Variants in TOX2 observed in about 807,000 individuals in gnomAD.
The protein encoded by TOX2 is granulosa cell HMG box 1.
TOX2 carries 15 observed loss-of-function variants against 47.4 expected under a neutral mutation model. The observed-to-expected ratio is 0.32, with a 90% CI of 0.21 to 0.49. The LOEUF is 0.49. Ranked by LOEUF, TOX2 falls within the 20% of genes least tolerant of loss-of-function variation. The probability of loss-of-function intolerance (pLI) is 0.99; values close to 1 mark genes in which losing one functional copy is unlikely to be tolerated. For missense variants in TOX2, 622 were observed against 673.1 expected, an observed-to-expected ratio of 0.92 and a Z score of 0.84; for synonymous variants, 290 against 296.6, an observed-to-expected ratio of 0.98 and a Z score of 0.23.
At chr20:44,044,826 C>A (rs982818705) in intron 3 of TOX2, among the ~76,000 whole-genome samples, 1 of 152,158 alleles carries the variant, frequency 6.6e-6, no homozygotes. Context: ...TACTTGTGCA[C>A]CCACATTCCT....
intron 1 of TOX2, among the ~76,000 whole-genome samples, chr20:43,965,071 C>T (rs181381484): frequency 7.2e-5 from 11 of 152,252 alleles, no homozygotes; most frequent in Admixed American, 3.9e-4. Context: ...TGGTATACTT[C>T]GCAAGGGTAG....
chr20:44,035,001 C>T (rs971134953), intron 3 of TOX2, among the ~76,000 whole-genome samples: 33 of 152,216 alleles, frequency 2.2e-4, no homozygotes, highest in Non-Finnish European at 4.4e-4. Context: ...AAGAGTCTTG[C>T]TTGACTCAGC....
At chr20:43,986,740 C>T (rs1329299049) in intron 2 of TOX2, among the ~76,000 whole-genome samples, 1 of 152,174 alleles carries the variant, frequency 6.6e-6, no homozygotes, top group Non-Finnish European at 1.5e-5. Flanking sequence ...ATATATGTCT[C>T]TATGACTCAG....
chr20:43,983,161 G>C (rs1298917019), intron 2 of TOX2, among the ~76,000 whole-genome samples: 1 of 151,912 alleles, frequency 6.6e-6, no homozygotes, highest in Non-Finnish European at 1.5e-5. Context: ...ATCCCTTCCC[G>C]ATGCTCCAGC....
intron 5 of TOX2, among the ~76,000 whole-genome samples, chr20:44,062,425 A>T (rs8116967): frequency 0.015 from 2,234 of 151,904 alleles, 34 homozygotes; most frequent in Middle Eastern, 0.051. Flanking sequence ...TAAAATACTT[A>T]GGAATATACC....
intron 2 of TOX2, among the ~76,000 whole-genome samples, chr20:43,988,173 C>T (rs2070304985): frequency 6.6e-6 from 1 of 152,144 alleles, no homozygotes; most frequent in African/African-American, 2.4e-5. Flanking sequence ...CCGCCTCGGC[C>T]TCCCAAAGTG....
At chr20:43,980,832 CTAAAT>C (rs889106573) in intron 2 of TOX2, among the ~76,000 whole-genome samples, 2 of 151,990 alleles carry the variant, frequency 1.3e-5, no homozygotes, top group Admixed American at 6.6e-5. Context: ...TAACATAAAA[CTAAAT>C]TAATATAAAT....
intron 1 of TOX2, among the ~76,000 whole-genome samples, chr20:43,946,311 T>G (rs1372504540): frequency 6.6e-6 from 1 of 151,510 alleles, no homozygotes; most frequent in Admixed American, 6.5e-5. Context: ...CATTCATTCA[T>G]TCATTCATTC....
intron 3 of TOX2, among the ~76,000 whole-genome samples, chr20:44,010,589 CTG>C (rs1366969015): frequency 2.0e-5 from 3 of 152,200 alleles, no homozygotes; most frequent in Non-Finnish European, 4.4e-5. Flanking sequence ...TTAAATTCAT[CTG>C]AACCACAGGA....
chr20:44,064,840 G>A lies in TOX2; in HGVS notation c.943G>A (p.Ala315Thr). The change falls in exon 6 of 9, where the codon GCT (alanine) becomes ACT (threonine). Residue 315 changes from alanine to threonine, a missense_variant. Ala to Thr is a moderately conservative substitution (Grantham distance 58, BLOSUM62 0). Coordinates refer to ENST00000341197, the MANE Select transcript of TOX2 (RefSeq NM_001098797.2). ...EYLKALAAYR[A>T]SLVSKSSPDQ... is the part of the protein sequence containing the mutation. ...TCTGAAGGCCCTGGCAGCCTACCGGGCTAGCCTCGTCTCCAAGGTAACACC... is the reference window on the plus strand; with the variant it reads ...TCTGAAGGCCCTGGCAGCCTACCGGACTAGCCTCGTCTCCAAGGTAACACC... 6.2e-7 allele frequency: 1 copy of A among 1,614,124 alleles called. No individual in the cohort carries two copies.
At chr20:44,049,205 C>G (rs559133192) in intron 3 of TOX2, among the ~76,000 whole-genome samples, 6 of 152,196 alleles carry the variant, frequency 3.9e-5, no homozygotes, top group East Asian at 1.9e-4. Flanking sequence ...TCTGGACAAG[C>G]CTGTGTAAGA....
At chr20:43,973,560 G>T in intron 2 of TOX2, 128 bp downstream of exon 2, 1 of 749,062 alleles carries the variant, frequency 1.3e-6, no homozygotes, top group South Asian at 1.6e-5. Flanking sequence ...CTCTCTGAAT[G>T]ATCAAGAATA....
At chr20:44,023,439 A>G (rs996093419) in intron 3 of TOX2, among the ~76,000 whole-genome samples, 28 of 151,798 alleles carry the variant, frequency 1.8e-4, no homozygotes, top group African/African-American at 6.3e-4. Context: ...CAGAAAAAAA[A>G]AAAAAAAAAA....
At chr20:44,039,960 G>A (rs2071306008) in intron 3 of TOX2, among the ~76,000 whole-genome samples, 1 of 152,176 alleles carries the variant, frequency 6.6e-6, no homozygotes, top group Non-Finnish European at 1.5e-5. Flanking sequence ...AGGGCCGGGG[G>A]GCAGGGTCTC....
At chr20:43,995,811 C>T (rs748459712) in intron 2 of TOX2, among the ~76,000 whole-genome samples, 7 of 152,184 alleles carry the variant, frequency 4.6e-5, no homozygotes, top group Non-Finnish European at 1.0e-4. Flanking sequence ...TGGCCTCCAG[C>T]TCCATCCATG....
intron 1 of TOX2, among the ~76,000 whole-genome samples, chr20:43,928,981 G>GAAAAAAAAGAAAAAAA (rs2069214145): frequency 1.2e-5 from 1 of 86,118 alleles, no homozygotes; most frequent in Non-Finnish European, 2.3e-5. Context: ...CTAAAAATAT[G>GAAAAAAAAGAAAAAAA]AAAAAAAAAA....
chr20:43,952,205 A>T (rs938431354), intron 1 of TOX2, among the ~76,000 whole-genome samples: 62 of 151,854 alleles, frequency 4.1e-4, no homozygotes, highest in Admixed American at 1.2e-3. Flanking sequence ...CCAGCAGAAA[A>T]GTAATTTTTT....
intron 2 of TOX2, among the ~76,000 whole-genome samples, chr20:43,982,159 T>C (rs1220745018): frequency 6.6e-6 from 1 of 151,912 alleles, no homozygotes; most frequent in Non-Finnish European, 1.5e-5. Flanking sequence ...TGTGGCTTTG[T>C]AGATGGGTTG....
chr20:44,040,426 G>A (rs982328460), intron 3 of TOX2, among the ~76,000 whole-genome samples: 1 of 152,138 alleles, frequency 6.6e-6, no homozygotes, highest in Non-Finnish European at 1.5e-5. Context: ...GGGAGGGGAG[G>A]CAGCAGGCCC....
Sources: gnomAD v4.1 joint callset for allele counts (sites outside exome capture counted in the v4.1 genomes callset) on GRCh38, gnomAD v4.1.1 for gene constraint, MANE v1.5 for transcripts, NCBI Gene and HGNC (gene_info 2026-07-23, HGNC 2026-07-21) for gene names.